ITPR1: variants seen among roughly 807,000 people sequenced by gnomAD.
ITPR1 encodes the protein inositol 1,4,5-trisphosphate receptor type 1, also known as inositol 1,4,5-trisphosphate-gated calcium channel ITPR1.
ITPR1 carries 96 observed loss-of-function variants against 318.4 expected under a neutral mutation model. The ratio of observed to expected loss-of-function variants is 0.30; its 90% CI spans 0.26 to 0.36. The LOEUF (loss-of-function observed/expected upper bound fraction) is 0.36, where lower values mean the gene tolerates loss of function less well. Ranked by LOEUF, ITPR1 falls within the 10% of genes least tolerant of loss-of-function variation. ITPR1 has a pLI of 1.00. For synonymous variants in ITPR1, 1,312 were observed against 1,289.9 expected (o/e 1.02, Z -0.37); for missense variants, 2,440 against 3,460.2 (o/e 0.71, Z 7.40).
chr3:4,735,299 A>C lies in ITPR1; in HGVS notation c.5489A>C (p.His1830Pro). Residue 1830 changes from histidine to proline, a missense_variant, in exon 44 of 62, where the codon CAT becomes CCT. Transcript: ENST00000649015. Reference protein sequence around the residue: ...IMNASSDRVFHESILLAIALL... With the variant: ...IMNASSDRVFPESILLAIALL... Reference sequence around the variant, plus strand: ...AACGCATCCAGTGACCGAGTGTTCCATGAAAGCATTCTCCTGGCCATTGCC... The same window carrying C: ...AACGCATCCAGTGACCGAGTGTTCCCTGAAAGCATTCTCCTGGCCATTGCC... 6.2e-7 allele frequency: 1 copy of C among 1,614,000 alleles called. No individual in the cohort carries two copies. Among genetic ancestry groups the C allele is most frequent in the Non-Finnish European group, 8.5e-7 (1 of 1,179,868 alleles).
At chr3:4,627,589 G>A (rs1385447260) in intron 4 of ITPR1, among the ~76,000 whole-genome samples, 174 bp from the exon 5 acceptor site, 7 of 152,220 alleles carry the variant, frequency 4.6e-5, no homozygotes, top group African/African-American at 1.4e-4. Context: ...TTCCTCGGCG[G>A]TGGTGGCAAT....
intron 3 of ITPR1, among the ~76,000 whole-genome samples, chr3:4,517,195 C>G (rs1211909138): frequency 6.6e-6 from 1 of 152,114 alleles, no homozygotes; most frequent in Non-Finnish European, 1.5e-5. Context: ...ATTATCTTCT[C>G]CCGTCTCCTC....
At chr3:4,669,004 A>C (rs987271561) in intron 18 of ITPR1, among the ~76,000 whole-genome samples, 1 of 152,056 alleles carries the variant, frequency 6.6e-6, no homozygotes, top group Non-Finnish European at 1.5e-5. Flanking sequence ...GCGGGAAGCA[A>C]TTTACAATGT....
intron 36 of ITPR1, among the ~76,000 whole-genome samples, chr3:4,703,599 G>A (rs1056151299): frequency 3.3e-5 from 5 of 152,180 alleles, no homozygotes; most frequent in Non-Finnish European, 4.4e-5. Flanking sequence ...TTACCTGCCT[G>A]GAGTGGCCTC....
intron 4 of ITPR1, among the ~76,000 whole-genome samples, chr3:4,614,003 C>T (rs1409462755): frequency 6.6e-6 from 1 of 152,164 alleles, no homozygotes; most frequent in Non-Finnish European, 1.5e-5. Flanking sequence ...TGTTTTAATG[C>T]TGTCACTCTA....
At chr3:4,571,496 G>A (rs1199950007) in intron 4 of ITPR1, among the ~76,000 whole-genome samples, 2 of 151,796 alleles carry the variant, frequency 1.3e-5, no homozygotes, top group Non-Finnish European at 2.9e-5. Flanking sequence ...ATGTTACCAC[G>A]CCTGGTTTAA....
chr3:4,584,718 A>T (rs2089706881), intron 4 of ITPR1, among the ~76,000 whole-genome samples: 1 of 152,038 alleles, frequency 6.6e-6, no homozygotes, highest in Non-Finnish European at 1.5e-5. Context: ...CTGTTGGTGG[A>T]GGCTTTTTTT....
At chr3:4,609,973 C>T (rs949100135) in intron 4 of ITPR1, among the ~76,000 whole-genome samples, 2 of 152,116 alleles carry the variant, frequency 1.3e-5, no homozygotes, top group African/African-American at 4.8e-5. Context: ...CCCAGATGAG[C>T]AAGGGAGGGG....
intron 55 of ITPR1, 64 bp downstream of exon 55, chr3:4,806,331 C>G (rs1265817193): frequency 2.1e-6 from 3 of 1,451,446 alleles, no homozygotes; most frequent in African/African-American, 2.8e-5. Flanking sequence ...TATGTCCTCT[C>G]TCTCATCACA....
rs1005178502 is a variant in ITPR1 at position 4,739,308 on chromosome 3, G to A, written c.5544+3954G>A. On this transcript the variant is annotated intron_variant, in intron 44 of 61. Transcript: ENST00000649015. ...GTTCTTGCCGGAGCTGGTGGAGCAC[G>A]GTCACTTCCTGTTCGGTGCACCATG... Among the ~76,000 whole-genome samples the A allele has an allele frequency of 3.3e-5, 5 of 152,180 alleles. No individual in the cohort carries two copies. In the South Asian group the frequency reaches 8.3e-4, roughly 25 times the overall value.
intron 35 of ITPR1, among the ~76,000 whole-genome samples, chr3:4,702,331 C>T (rs985116639): frequency 1.3e-5 from 2 of 152,136 alleles, no homozygotes; most frequent in Admixed American, 6.5e-5. Flanking sequence ...AAGTAGCAGT[C>T]GAGGTGAGAT....
chr3:4,526,211 A>G (rs188003795), intron 4 of ITPR1, among the ~76,000 whole-genome samples: 5 of 152,336 alleles, frequency 3.3e-5, no homozygotes, highest in Admixed American at 2.6e-4. Context: ...TTAGTTTCAG[A>G]ATAAAAGCTG....
chr3:4,757,289 A>G (rs555417014), intron 44 of ITPR1, among the ~76,000 whole-genome samples: 1 of 152,250 alleles, frequency 6.6e-6, no homozygotes, highest in South Asian at 2.1e-4. Context: ...TTTGTTAATA[A>G]TTTATTACCC....
chr3:4,752,481 C>A (rs368943477), intron 44 of ITPR1, among the ~76,000 whole-genome samples: 7 of 152,308 alleles, frequency 4.6e-5, no homozygotes, highest in East Asian at 1.9e-4. Context: ...GGTGACAACA[C>A]CACATCAGCT....
At chr3:4,656,412 T>G (rs1243392300) in intron 12 of ITPR1, among the ~76,000 whole-genome samples, 2 of 152,214 alleles carry the variant, frequency 1.3e-5, no homozygotes, top group Non-Finnish European at 2.9e-5. Flanking sequence ...TCAAAGTTCT[T>G]ACTCCTAAAC....
chr3:4,630,222 G>A (rs2092970753), intron 5 of ITPR1, among the ~76,000 whole-genome samples: 1 of 152,156 alleles, frequency 6.6e-6, no homozygotes, highest in Non-Finnish European at 1.5e-5. Flanking sequence ...CCCCATGAGT[G>A]AGGCAGCTGT....
chr3:4,551,227 C>T (rs2085534927), intron 4 of ITPR1, among the ~76,000 whole-genome samples: 1 of 152,048 alleles, frequency 6.6e-6, no homozygotes, highest in South Asian at 2.1e-4. Context: ...CTGCTTGTAA[C>T]AACAACAAAA....
chr3:4,798,365 T>C (rs547284289), intron 53 of ITPR1, among the ~76,000 whole-genome samples: 4 of 152,366 alleles, frequency 2.6e-5, no homozygotes, highest in Admixed American at 1.3e-4. Context: ...TGAGCATCAC[T>C]AGTTATCAGG....
chr3:4,785,344 G>C (rs765683631), intron 51 of ITPR1, among the ~76,000 whole-genome samples: 1 of 152,206 alleles, frequency 6.6e-6, no homozygotes, highest in Non-Finnish European at 1.5e-5. Flanking sequence ...CAGGCTTTGA[G>C]CAGTAAGGAA....
Sources: gnomAD v4.1 joint callset for allele counts (sites outside exome capture counted in the v4.1 genomes callset) on GRCh38, gnomAD v4.1.1 for gene constraint, MANE v1.5 for transcripts, NCBI Gene and HGNC (gene_info 2026-07-23, HGNC 2026-07-21) for gene names.